MS4A3: variants seen among roughly 807,000 people sequenced by gnomAD.
MS4A3 encodes membrane spanning 4-domains A3.
Under a neutral mutation model 24.7 loss-of-function variants are expected in MS4A3, and 18 were observed. The ratio of observed to expected loss-of-function variants is 0.73; its 90% confidence interval spans 0.50 to 1.08. The LOEUF (loss-of-function observed/expected upper bound fraction) is 1.08, where lower values mean the gene tolerates loss of function less well. MS4A3 is among the 50% of genes least tolerant of loss of function. The pLI is 0.00. For synonymous variants in MS4A3, 84 were observed against 95.3 expected (o/e 0.88, Z 0.69); for missense variants, 282 against 251.7 (o/e 1.12, Z -0.82).
At chr11:60,062,908 C>T (rs1319538759) in intron 3 of MS4A3, among the ~76,000 whole-genome samples, 2 of 152,116 alleles carry the variant, frequency 1.3e-5, no homozygotes, top group East Asian at 1.9e-4. Flanking sequence ...TCTCTTGCCT[C>T]AGTCTCCTGA....
chr11:60,064,397 A>T, intron 4 of MS4A3, 79 bp downstream of exon 4: 1 of 1,079,368 alleles, frequency 9.3e-7, no homozygotes, highest in Non-Finnish European at 1.4e-6. Flanking sequence ...GTAAGTGTCC[A>T]TGAATACAAC....
At chr11:60,061,552 AT>A (rs1439951160) in intron 2 of MS4A3, 1 of 584,946 alleles carries the variant, frequency 1.7e-6, no homozygotes, top group Non-Finnish European at 3.2e-6. Flanking sequence ...CACTTAATGA[AT>A]AGTAAATACA....
At chr11:60,067,469 C>A (rs549751835) in intron 5 of MS4A3, among the ~76,000 whole-genome samples, 1 of 152,104 alleles carries the variant, frequency 6.6e-6, no homozygotes, top group Non-Finnish European at 1.5e-5. Context: ...CCCGCCTCGG[C>A]CTCCCAAAGT....
intron 1 of MS4A3, among the ~76,000 whole-genome samples, chr11:60,059,446 A>G (rs1855236194): frequency 6.6e-6 from 1 of 152,202 alleles, no homozygotes; most frequent in Admixed American, 6.5e-5. Flanking sequence ...GGTTCGTTAT[A>G]TAGGTAAATT....
Position 60,069,734 on chromosome 11 carries a change from G to A in MS4A3, c.615+59G>A. ...ATCTCAAAGCCTCCCTGTAGGGTTT[G>A]AAGTTGTTTCTGATGCTTAGAAATA... On this transcript the variant is annotated intron_variant, in intron 6 of 6. Coordinates refer to ENST00000278865, the MANE Select transcript of MS4A3 (RefSeq NM_006138.5). 5 of 1,307,288 alleles carry A rather than the reference G, an allele frequency of 3.8e-6. No homozygotes were observed. The South Asian group carries it at 6.0e-5, about 16-fold the overall frequency. 81.0% of individuals were successfully genotyped at this position (1,307,288 alleles called of 1,614,324 possible).
chr11:60,062,542 C>T lies in MS4A3; in HGVS notation c.231C>T (p.His77=), dbSNP rs113705070. ...VFLGSLQYPY[H]FQKHFFFFTF... is the part of the protein sequence containing the mutation. Reference sequence around the variant, plus strand: ...TGGGTTCCTTGCAATACCCATACCACTTCCAAAAGCACTTCTTTTTCTTCA... The same window carrying T: ...TGGGTTCCTTGCAATACCCATACCATTTCCAAAAGCACTTCTTTTTCTTCA... The change falls in exon 3 of 7, where the codon CAC becomes CAT. Residue 77 remains histidine, a synonymous_variant. Coordinates refer to ENST00000278865, the MANE Select transcript of MS4A3 (RefSeq NM_006138.5). 1,835 of 1,614,102 alleles carry T rather than the reference C, an allele frequency of 1.1e-3. 1 individual carries two copies. The highest frequency in any genetic ancestry group is 1.3e-3 in the Non-Finnish European group (1,528 of 1,180,000).
At chr11:60,060,076 CTG>C (rs920707312) in intron 1 of MS4A3, among the ~76,000 whole-genome samples, 3 of 152,082 alleles carry the variant, frequency 2.0e-5, no homozygotes, top group African/African-American at 7.2e-5. Context: ...TGTAAGCATT[CTG>C]TGTGTACTTT....
intron 5 of MS4A3, 22 bp downstream of exon 5, chr11:60,067,134 A>T (rs755764433): frequency 6.4e-7 from 1 of 1,562,526 alleles, no homozygotes; most frequent in East Asian, 2.3e-5. Flanking sequence ...AAAAATATGT[A>T]TAAGTATAAA....
In MS4A3 at chr11:60,070,368, C is replaced by A; in HGVS notation, c.*135C>A. The A allele has an allele frequency of 1.4e-6, 1 of 690,532 alleles. No homozygotes were observed. The highest frequency in any genetic ancestry group is 2.5e-6 in the Non-Finnish European group (1 of 403,400). The allele number at this position is 690,532 out of a possible 1,614,324, so 42.8% of individuals were successfully genotyped here. ...AATCCTTCTATCATGGCACCAATCA[C>A]AAGAACCTTGGACGTTTGACTGACT... On this transcript the variant is annotated 3_prime_UTR_variant, in exon 7 of 7. Transcript: ENST00000278865.
Position 60,070,233 on chromosome 11 carries a change from A to G in MS4A3, c.645A>G (p.Ter215=). The G allele has an allele frequency of 6.3e-7, 1 of 1,581,564 alleles. No individual in the cohort carries two copies. Among genetic ancestry groups the G allele is most frequent in the Non-Finnish European group, 8.6e-7 (1 of 1,156,526 alleles). Residue 215 remains the stop codon, a stop_retained_variant, in exon 7 of 7, where the codon TAA becomes TAG. Coordinates refer to ENST00000278865, the MANE Select transcript of MS4A3 (RefSeq NM_006138.5). ...EEISSPPNSV[*] ...TTTCCTCACCTCCCAATTCTGTGTA[A>G]TCAAGAATACCTCCTTAATTCTGAG...
chr11:60,062,946 C>T (rs1302516049), intron 3 of MS4A3, among the ~76,000 whole-genome samples: 1 of 152,064 alleles, frequency 6.6e-6, no homozygotes, highest in East Asian at 1.9e-4. Flanking sequence ...CATGCACCAC[C>T]ATGCCCACCT....
At chr11:60,063,867 G>A (rs1290077696) in intron 3 of MS4A3, among the ~76,000 whole-genome samples, 3 of 152,240 alleles carry the variant, frequency 2.0e-5, no homozygotes, top group Admixed American at 6.5e-5. Context: ...GACTCAGGGG[G>A]AAAGGTGGGA....
chr11:60,068,975 C>A (rs977421284), intron 5 of MS4A3, among the ~76,000 whole-genome samples: 1 of 151,602 alleles, frequency 6.6e-6, no homozygotes, highest in East Asian at 1.9e-4. Flanking sequence ...TTCTCATTTT[C>A]TTTATTACAT....
intron 3 of MS4A3, among the ~76,000 whole-genome samples, chr11:60,063,985 A>G (rs1286171): frequency 0.26 from 38,762 of 151,798 alleles, 5,276 homozygotes; most frequent in South Asian, 0.51. Flanking sequence ...CCATGTAACC[A>G]AACACCACCT....
Position 60,068,168 on chromosome 11 carries a change from T to C in MS4A3, c.513+1056T>C, listed in dbSNP as rs140972826. 4.9e-3 allele frequency among the ~76,000 whole-genome samples: 750 copies of C among 152,222 alleles called. 4 individuals are homozygous for C. Among genetic ancestry groups the C allele is most frequent in the African/African-American group, 0.015 (611 of 41,544 alleles). On this transcript the variant is annotated intron_variant, in intron 5 of 6. Transcript: ENST00000278865. ...GGAATGTTCAAATAATGACTTGAAG[T>C]TTTGAAGGACTGCGCTTTAGAATGA...
In MS4A3 at chr11:60,069,649, A is replaced by G. The variant is rs1855443422; in HGVS notation, c.589A>G (p.Asn197Asp). Reference sequence around the variant, plus strand: ...CATCTCTACCATAGCCATGTGGTGCAATGCAAACTGCTGTAATTCAAGAGA... The same window carrying G: ...CATCTCTACCATAGCCATGTGGTGCGATGCAAACTGCTGTAATTCAAGAGA... ...VTISTIAMWCNANCCNSREEI... is the reference protein window; with the variant it reads ...VTISTIAMWCDANCCNSREEI... Residue 197 changes from asparagine to aspartate, a missense_variant, in exon 6 of 7, where the codon AAT becomes GAT. By Grantham distance (23) the Asn-to-Asp change is conservative. Transcript: ENST00000278865. 1 of 1,613,128 alleles carries G rather than the reference A, an allele frequency of 6.2e-7. No homozygotes were observed. The highest frequency in any genetic ancestry group is 1.7e-5 in the Admixed American group (1 of 60,004).
chr11:60,065,214 C>CT (rs143084907), intron 4 of MS4A3, among the ~76,000 whole-genome samples: 4,840 of 128,082 alleles, frequency 0.038, 351 homozygotes, highest in African/African-American at 0.13. Flanking sequence ...TAATTTTTGT[C>CT]TTTTTTTTTT....
chr11:60,069,082 G>T (rs941506623), intron 5 of MS4A3, among the ~76,000 whole-genome samples: 3 of 152,040 alleles, frequency 2.0e-5, no homozygotes, highest in African/African-American at 7.3e-5. Context: ...TTGCTTCTAG[G>T]TGCCTCAGTA....
chr11:60,069,885 A>G (rs746106226), intron 6 of MS4A3, among the ~76,000 whole-genome samples: 4 of 152,236 alleles, frequency 2.6e-5, no homozygotes, highest in Admixed American at 1.3e-4. Flanking sequence ...TACTTGATAT[A>G]TAAGAGCATA....
Sources: allele counts gnomAD v4.1 joint callset (sites outside exome capture counted in the v4.1 genomes callset), GRCh38; gene constraint gnomAD v4.1.1; transcripts MANE v1.5; gene names NCBI Gene and HGNC (gene_info 2026-07-23, HGNC 2026-07-21).